Variants in COMMD10 observed in about 807,000 individuals in gnomAD.
COMMD10 encodes COMM domain-containing protein 10.
COMMD10 carries 33 observed loss-of-function variants against 28.9 expected under a neutral mutation model. The observed-to-expected ratio is 1.14, with a 90% CI of 0.87 to 1.53. COMMD10 has a LOEUF of 1.53. COMMD10 is among the 40% of genes most tolerant of loss of function. The pLI is 0.00. For missense variants in COMMD10, 310 were observed against 233.4 expected (o/e 1.33, Z -2.14); for synonymous variants, 110 against 81.7 (o/e 1.35, Z -1.87).
At chr5:116,137,942 C>G (rs1182597571) in intron 5 of COMMD10, among the ~76,000 whole-genome samples, 1 of 151,912 alleles carries the variant, frequency 6.6e-6, no homozygotes, top group Non-Finnish European at 1.5e-5. Flanking sequence ...ACAGATACCT[C>G]AAATCGAGTT....
intron 5 of COMMD10, among the ~76,000 whole-genome samples, chr5:116,261,833 C>G (rs971367935): frequency 1.3e-5 from 2 of 151,738 alleles, no homozygotes; most frequent in African/African-American, 2.4e-5. Context: ...TCTCTTCAAC[C>G]TTTGGTTCCA....
intron 5 of COMMD10, among the ~76,000 whole-genome samples, chr5:116,228,960 G>A (rs888355132): frequency 1.3e-5 from 2 of 151,830 alleles, no homozygotes; most frequent in Admixed American, 6.6e-5. Flanking sequence ...ATTAGGTAGG[G>A]TAGATTATTT....
chr5:116,211,728 A>G (rs1268878816), intron 5 of COMMD10, among the ~76,000 whole-genome samples: 1 of 152,162 alleles, frequency 6.6e-6, no homozygotes, highest in Non-Finnish European at 1.5e-5. Flanking sequence ...AAAGCAAAAC[A>G]AGTTTAATAA....
At chr5:116,118,379 A>G (rs1332307026) in intron 4 of COMMD10, among the ~76,000 whole-genome samples, 1 of 152,114 alleles carries the variant, frequency 6.6e-6, no homozygotes, top group Non-Finnish European at 1.5e-5. Flanking sequence ...TGTTATTTTC[A>G]CTACTTTTGG....
chr5:116,125,943 GA>G (rs1030296349), intron 4 of COMMD10, among the ~76,000 whole-genome samples: 1 of 152,140 alleles, frequency 6.6e-6, no homozygotes, highest in African/African-American at 2.4e-5. Context: ...GCAGGAAAGA[GA>G]AAGAAATAAA....
intron 4 of COMMD10, among the ~76,000 whole-genome samples, chr5:116,094,524 T>C (rs773249762): frequency 1.3e-5 from 2 of 152,114 alleles, no homozygotes; most frequent in Non-Finnish European, 2.9e-5. Context: ...AAATAATGGA[T>C]GCAGGTGAGG....
At chr5:116,167,605 G>A (rs947265073) in intron 5 of COMMD10, among the ~76,000 whole-genome samples, 3 of 152,130 alleles carry the variant, frequency 2.0e-5, no homozygotes, top group African/African-American at 7.2e-5. Flanking sequence ...GACAGGTCAG[G>A]GAAGCCCATC....
chr5:116,194,255 C>A (rs1198610887), intron 5 of COMMD10, among the ~76,000 whole-genome samples: 2 of 151,948 alleles, frequency 1.3e-5, no homozygotes, highest in Non-Finnish European at 2.9e-5. Flanking sequence ...GGTCACACTT[C>A]AAGGAACTAG....
At chr5:116,268,200 T>C (rs1398572091) in intron 5 of COMMD10, among the ~76,000 whole-genome samples, 1 of 151,832 alleles carries the variant, frequency 6.6e-6, no homozygotes, top group Non-Finnish European at 1.5e-5. Flanking sequence ...AATCTACCCA[T>C]CTGACAAAGG....
chr5:116,191,759 C>T (rs571723960), intron 5 of COMMD10, among the ~76,000 whole-genome samples: 1 of 152,016 alleles, frequency 6.6e-6, no homozygotes, highest in Non-Finnish European at 1.5e-5. Context: ...TAAGCCCCTG[C>T]CCATTGCTGG....
chr5:116,194,022 A>T (rs1748440425), intron 5 of COMMD10, among the ~76,000 whole-genome samples: 1 of 152,170 alleles, frequency 6.6e-6, no homozygotes, highest in South Asian at 2.1e-4. Context: ...GAACCTTCAA[A>T]ACCATGCAAA....
At chr5:116,121,123 C>A (rs937198816) in intron 4 of COMMD10, among the ~76,000 whole-genome samples, 1 of 152,096 alleles carries the variant, frequency 6.6e-6, no homozygotes, top group Non-Finnish European at 1.5e-5. Flanking sequence ...CTAATGCTCT[C>A]CTTCCCCCTG....
chr5:116,098,803 ACTT>A (rs1260943715), intron 4 of COMMD10, among the ~76,000 whole-genome samples: 5 of 152,120 alleles, frequency 3.3e-5, no homozygotes, highest in Admixed American at 2.0e-4. Context: ...CATTTTAAAA[ACTT>A]CTTTTTTAAG....
chr5:116,113,214 T>C (rs961586591), intron 4 of COMMD10, among the ~76,000 whole-genome samples: 3 of 152,134 alleles, frequency 2.0e-5, no homozygotes, highest in Admixed American at 1.3e-4. Flanking sequence ...CCTTTATAGA[T>C]GACACTTTTC....
chr5:116,279,721 A>G (rs1021833950), intron 5 of COMMD10, among the ~76,000 whole-genome samples: 1 of 151,856 alleles, frequency 6.6e-6, no homozygotes, highest in African/African-American at 2.4e-5. Context: ...GATGTTTGTA[A>G]AATGCTCACA....
intron 4 of COMMD10, among the ~76,000 whole-genome samples, chr5:116,119,805 A>G (rs1198555537): frequency 3.3e-5 from 5 of 151,988 alleles, no homozygotes; most frequent in Non-Finnish European, 7.4e-5. Context: ...TCATAGAGAC[A>G]GTGTCTTGCC....
intron 5 of COMMD10, among the ~76,000 whole-genome samples, chr5:116,152,134 C>T (rs1033126780): frequency 6.6e-6 from 1 of 152,114 alleles, no homozygotes; most frequent in African/African-American, 2.4e-5. Flanking sequence ...CATTCAGGAG[C>T]AAGTTGTTCA....
intron 5 of COMMD10, among the ~76,000 whole-genome samples, chr5:116,235,211 CAT>C (rs1749630447): frequency 6.6e-6 from 1 of 152,098 alleles, no homozygotes; most frequent in Non-Finnish European, 1.5e-5. Context: ...TCAGTCAAAA[CAT>C]AGTCAAAAAC....
At chr5:116,267,284 A>C (rs1750612533) in intron 5 of COMMD10, among the ~76,000 whole-genome samples, 1 of 151,914 alleles carries the variant, frequency 6.6e-6, no homozygotes, top group African/African-American at 2.4e-5. Context: ...AAAAATCACA[A>C]GCATTCCTAT....
Sources: allele counts gnomAD v4.1 joint callset (sites outside exome capture counted in the v4.1 genomes callset), GRCh38; gene constraint gnomAD v4.1.1; transcripts MANE v1.5; gene names NCBI Gene and HGNC (gene_info 2026-07-23, HGNC 2026-07-21).